P2RX3: variants seen among roughly 807,000 people sequenced by gnomAD.
The protein encoded by P2RX3 is P2X purinoceptor 3.
A neutral mutation model predicts 51.5 loss-of-function variants in P2RX3; 41 were observed. The ratio of observed to expected loss-of-function variants is 0.80; its 90% CI spans 0.62 to 1.03. The LOEUF (loss-of-function observed/expected upper bound fraction) is 1.03, where lower values mean the gene tolerates loss of function less well. P2RX3 is among the 50% of genes least tolerant of loss of function. The pLI, the probability that P2RX3 is intolerant of heterozygous loss-of-function variation, is 0.00. For missense variants in P2RX3, 459 were observed against 522.1 expected, an observed-to-expected ratio of 0.88 and a Z score of 1.18; for synonymous variants, 185 against 191.6, an observed-to-expected ratio of 0.97 and a Z score of 0.29.
intron 9 of P2RX3, 67 bp downstream of exon 9, chr11:57,368,169 A>C: frequency 6.6e-7 from 1 of 1,520,362 alleles, no homozygotes; most frequent in Non-Finnish European, 9.1e-7. Context: ...TCGGGTTCTG[A>C]AAAAGCTCCT....
intron 1 of P2RX3, among the ~76,000 whole-genome samples, chr11:57,343,002 A>C (rs983619006): frequency 1.3e-5 from 2 of 152,180 alleles, no homozygotes; most frequent in African/African-American, 2.4e-5. Flanking sequence ...TGCGAGAAGA[A>C]AATAGTCAGA....
chr11:57,357,482 G>GTGCTTGCAACC (rs1347915071), intron 8 of P2RX3, among the ~76,000 whole-genome samples: 15 of 152,144 alleles, frequency 9.9e-5, no homozygotes, highest in Non-Finnish European at 1.2e-4. Context: ...CCACAAGTAG[G>GTGCTTGCAACC]ACCAGTATGG....
chr11:57,345,051 G>A (rs775470707), intron 1 of P2RX3, among the ~76,000 whole-genome samples: 8 of 152,210 alleles, frequency 5.3e-5, no homozygotes, highest in African/African-American at 7.2e-5. Context: ...CTTCCCAGAC[G>A]TGTGGCACGC....
At chr11:57,364,978 T>C (rs1856776152) in intron 8 of P2RX3, among the ~76,000 whole-genome samples, 1 of 152,156 alleles carries the variant, frequency 6.6e-6, no homozygotes, top group South Asian at 2.1e-4. Flanking sequence ...CCTTCCCAGG[T>C]CAGGCTGCCC....
intron 6 of P2RX3, among the ~76,000 whole-genome samples, chr11:57,349,233 A>C (rs2003065): frequency 0.14 from 20,441 of 150,878 alleles, 1,527 homozygotes; most frequent in Non-Finnish European, 0.17. Flanking sequence ...GAGGCCGAGA[A>C]GGGTGGATCA....
chr11:57,346,761 A>G, intron 2 of P2RX3, 82 bp downstream of exon 2: 2 of 1,541,398 alleles, frequency 1.3e-6, no homozygotes, highest in South Asian at 2.4e-5. Context: ...AAAGAGTGCC[A>G]ATGGGATTCC....
At chr11:57,348,537 G>A (rs1427423878) in intron 5 of P2RX3, 90 bp from the exon 6 acceptor site, 2 of 1,091,998 alleles carry the variant, frequency 1.8e-6, no homozygotes, top group Non-Finnish European at 2.8e-6. Context: ...CCCTTTGGAG[G>A]CATCCACCAG....
intron 6 of P2RX3, among the ~76,000 whole-genome samples, chr11:57,349,293 T>G (rs1856498816): frequency 6.9e-6 from 1 of 144,304 alleles, no homozygotes; most frequent in East Asian, 2.0e-4. Flanking sequence ...AAACCCTGTC[T>G]GTACCAAAAA....
In P2RX3 at chr11:57,369,949, A is replaced by G. The variant is rs1218923877; in HGVS notation, c.1146A>G (p.Thr382=). 6.2e-7 allele frequency: 1 copy of G among 1,614,076 alleles called. No individual in the cohort carries two copies. The highest frequency in any genetic ancestry group is 1.7e-5 in the Admixed American group (1 of 60,020). The change falls in exon 12 of 12, where the codon ACA becomes ACG. Residue 382 remains threonine (T), a synonymous_variant. Transcript: ENST00000263314. ...TNPVYPSDQT[T]AEKQSTDSGA... ...CAGTGTACCCCAGCGACCAGACCAC[A>G]GCGGAGAAGCAGTCCACCGATTCGG...
chr11:57,346,940 C>A (rs1477894237), intron 2 of P2RX3, among the ~76,000 whole-genome samples, 176 bp from the exon 3 acceptor site: 2 of 152,214 alleles, frequency 1.3e-5, no homozygotes, highest in Non-Finnish European at 2.9e-5. Flanking sequence ...GAGAAGGGGG[C>A]CATGTGGGTG....
intron 1 of P2RX3, among the ~76,000 whole-genome samples, chr11:57,343,719 C>A (rs897834765): frequency 6.6e-6 from 1 of 152,124 alleles, no homozygotes; most frequent in Non-Finnish European, 1.5e-5. Flanking sequence ...TTCCTTAGGT[C>A]GACACTGAGA....
rs557668646 is a variant in P2RX3, at chr11:57,342,691, A to G, written c.120-3853A>G. Among the ~76,000 whole-genome samples the G allele has an allele frequency of 1.2e-4, 18 of 152,214 alleles. No homozygotes were observed. In the South Asian group the frequency reaches 3.1e-3, roughly 26 times the overall value. ...GGGAGTTATAGGGAGGGGAGGTAACATATGTCAAGTGCCTTGCGGAGATGG... is the reference window on the plus strand; with the variant it reads ...GGGAGTTATAGGGAGGGGAGGTAACGTATGTCAAGTGCCTTGCGGAGATGG... On this transcript the variant is annotated intron_variant, in intron 1 of 11. Coordinates refer to ENST00000263314, the MANE Select transcript of P2RX3 (RefSeq NM_002559.5).
intron 8 of P2RX3, 59 bp from the exon 9 acceptor site, chr11:57,367,950 G>A (rs1856820606): frequency 7.2e-7 from 1 of 1,390,444 alleles, no homozygotes; most frequent in Non-Finnish European, 1.0e-6. Context: ...GGACCCAGAA[G>A]GTTCAGGCAG....
chr11:57,343,427 C>G (rs1856377369), intron 1 of P2RX3, among the ~76,000 whole-genome samples: 1 of 152,220 alleles, frequency 6.6e-6, no homozygotes, highest in African/African-American at 2.4e-5. Context: ...AGCTGGGACA[C>G]AGCTAGAGAC....
rs766522154 is a variant in P2RX3 at position 57,349,825 on chromosome 11, C to A, written c.632C>A (p.Pro211His). 1 of 1,614,228 alleles carries A rather than the reference C, an allele frequency of 6.2e-7. No individual in the cohort carries two copies. The highest frequency in any genetic ancestry group is 1.1e-5 in the South Asian group (1 of 91,084). ...TGCCGCTTCCACCCGGACAAGGACCCTTTCTGCCCCATCTTGCGGGTAGGG... is the reference window on the plus strand; with the variant it reads ...TGCCGCTTCCACCCGGACAAGGACCATTTCTGCCCCATCTTGCGGGTAGGG... ...KTCRFHPDKDPFCPILRVGDV... is the reference protein window; with the variant it reads ...KTCRFHPDKDHFCPILRVGDV... Residue 211 changes from proline (P) to histidine (H), a missense_variant, in exon 7 of 12, where the codon CCT (proline) becomes CAT (histidine). By Grantham distance (77) the Pro-to-His change is moderately conservative. Coordinates refer to ENST00000263314, the MANE Select transcript of P2RX3 (RefSeq NM_002559.5).
At chr11:57,349,986 A>C (rs1388802422) in intron 7 of P2RX3, 88 bp downstream of exon 7, 4 of 1,548,922 alleles carry the variant, frequency 2.6e-6, no homozygotes, top group Non-Finnish European at 3.5e-6. Flanking sequence ...GGCACTGGCC[A>C]GGAGCCGCCG....
intron 8 of P2RX3, among the ~76,000 whole-genome samples, chr11:57,355,523 T>C (rs1590633058): frequency 1.3e-5 from 2 of 152,202 alleles, no homozygotes; most frequent in African/African-American, 4.8e-5. Flanking sequence ...GTATTTTTAG[T>C]AGAGACGGGA....
At chr11:57,348,446 C>T in intron 5 of P2RX3, 181 bp from the exon 6 acceptor site, 2 of 706,784 alleles carry the variant, frequency 2.8e-6, no homozygotes, top group South Asian at 1.9e-5. Flanking sequence ...CACCTGCCTC[C>T]TCCTCCTGCT....
Position 57,369,920 on chromosome 11 carries a change from A to C in P2RX3, c.1117A>C (p.Asn373His), listed in dbSNP as rs1273548355. The C allele has an allele frequency of 1.2e-6, 2 of 1,613,976 alleles. No individual in the cohort carries two copies. Among genetic ancestry groups the C allele is most frequent in the Non-Finnish European group, 1.7e-6 (2 of 1,180,004 alleles). The change falls in exon 12 of 12, where the codon AAC becomes CAC. Residue 373 changes from asparagine (N) to histidine (H), a missense_variant. Physicochemically the swap from Asn to His is moderately conservative, Grantham distance 68 (BLOSUM62 1). Coordinates refer to ENST00000263314, the MANE Select transcript of P2RX3 (RefSeq NM_002559.5). ...TACGCTGAAAATCGCGGCTTTGACC[A>C]ACCCAGTGTACCCCAGCGACCAGAC... ...ETTLKIAALTNPVYPSDQTTA... is the reference protein window; with the variant it reads ...ETTLKIAALTHPVYPSDQTTA...
Sources: allele counts gnomAD v4.1 joint callset (sites outside exome capture counted in the v4.1 genomes callset), GRCh38; gene constraint gnomAD v4.1.1; transcripts MANE v1.5; gene names NCBI Gene and HGNC (gene_info 2026-07-23, HGNC 2026-07-21).